The following TOR3A variants were observed in gnomAD, a reference collection of about 807,000 sequenced individuals.
The protein encoded by TOR3A is torsin-3A.
Under a neutral mutation model 42.1 loss-of-function variants are expected in TOR3A, and 44 were observed. The ratio of observed to expected loss-of-function variants is 1.04; its 90% CI spans 0.82 to 1.34. The LOEUF is 1.34. TOR3A is among the 40% of genes most tolerant of loss of function. The pLI, the probability that TOR3A is intolerant of heterozygous loss-of-function variation, is 0.00. For missense variants in TOR3A, 521 were observed against 507.6 expected (o/e 1.03, Z -0.25); for synonymous variants, 227 against 213.2 (o/e 1.06, Z -0.57).
At chr1:179,084,859 G>A (rs1006273897) in intron 2 of TOR3A, among the ~76,000 whole-genome samples, 8 of 152,186 alleles carry the variant, frequency 5.3e-5, no homozygotes, top group East Asian at 1.9e-4. Context: ...ACAACCTCAC[G>A]TCTGACAGGA....
At chr1:179,082,467 G>A (rs1652316385) in intron 1 of TOR3A, 80 bp downstream of exon 1, 1 of 1,491,690 alleles carries the variant, frequency 6.7e-7, no homozygotes, top group Non-Finnish European at 8.9e-7. Flanking sequence ...CCTCGCTCCT[G>A]TCCGGGGCGA....
In TOR3A at chr1:179,083,076, G is replaced by A. The variant is rs1652338644; in HGVS notation, c.373+23G>A. The A allele has an allele frequency of 4.9e-6, 7 of 1,426,438 alleles. 1 individual carries two copies. In the South Asian group the frequency reaches 8.6e-5, roughly 17 times the overall value. 88.4% of individuals were successfully genotyped at this position (1,426,438 alleles called of 1,614,324 possible). A position where few individuals can be genotyped will look rare whatever the true frequency, so the allele number is the denominator to read the frequency against. ...CAGGTTGGACCCCGCATGGCTTCAAGGGGCTAGGGATCTGTGGGGAGGGGA... is the reference window on the plus strand; with the variant it reads ...CAGGTTGGACCCCGCATGGCTTCAAAGGGCTAGGGATCTGTGGGGAGGGGA... On this transcript the variant is annotated intron_variant, in intron 2 of 5. Coordinates refer to ENST00000367627, the MANE Select transcript of TOR3A (RefSeq NM_022371.4).
chr1:179,093,814 C>T (rs1406584075), intron 4 of TOR3A, among the ~76,000 whole-genome samples: 1 of 152,164 alleles, frequency 6.6e-6, no homozygotes, highest in Non-Finnish European at 1.5e-5. Context: ...ACAGAAGAAC[C>T]ATATCTTACC....
chr1:179,084,127 T>G (rs569169541), intron 2 of TOR3A, among the ~76,000 whole-genome samples: 1 of 152,228 alleles, frequency 6.6e-6, no homozygotes, highest in Admixed American at 6.5e-5. Context: ...GATATCCAAA[T>G]TGTTCTGGCC....
Position 179,095,341 on chromosome 1 carries a change from A to AACAAACAC in TOR3A, c.*128_*135dup. 1.3e-6 allele frequency: 2 copies of AACAAACAC among 1,528,828 alleles called. No individual in the cohort carries two copies. Among genetic ancestry groups the AACAAACAC allele is most frequent in the Non-Finnish European group, 8.7e-7 (1 of 1,145,428 alleles). The allele number at this position is 1,528,828 out of a possible 1,614,324, so 94.7% of individuals were successfully genotyped here. A position where few individuals can be genotyped will look rare whatever the true frequency, so the allele number is the denominator to read the frequency against. Reference sequence around the variant, plus strand: ...TGTGGACTGGCATCCAGCAGCCACTAACAAACACACAACTGGTGTGTAAAA... The same window carrying AACAAACAC: ...TGTGGACTGGCATCCAGCAGCCACTAACAAACACACAAACACACAACTGGTGTGTAAAA... On this transcript the variant is annotated 3_prime_UTR_variant, in exon 6 of 6. Transcript: ENST00000367627.
intron 4 of TOR3A, among the ~76,000 whole-genome samples, chr1:179,091,466 G>A (rs1343568887): frequency 6.6e-6 from 1 of 152,198 alleles, no homozygotes; most frequent in African/African-American, 2.4e-5. Flanking sequence ...CCTCTAAAGT[G>A]GTGGAAGAAA....
chr1:179,082,604 G>T, intron 1 of TOR3A: 1 of 743,290 alleles, frequency 1.3e-6, no homozygotes, highest in South Asian at 1.6e-5. Flanking sequence ...CCCCCCTGGC[G>T]CCCGGCTTCC....
At position 179,082,339 on chromosome 1, in the gene TOR3A, T is replaced by C. The variant is rs762172149; in HGVS notation, c.211T>C (p.Trp71Arg). Residue 71 changes from tryptophan (W) to arginine (R), a missense_variant, in exon 1 of 6, where the codon TGG (tryptophan) becomes CGG (arginine). By Grantham distance (101) the Trp-to-Arg change is moderately radical. Coordinates refer to ENST00000367627, the MANE Select transcript of TOR3A (RefSeq NM_022371.4). Reference sequence around the variant, plus strand: ...CTGGACGCTCTTCAGCTGCCAGGTGTGGCCCGACGACTGTGACGAGGACGA... The same window carrying C: ...CTGGACGCTCTTCAGCTGCCAGGTGCGGCCCGACGACTGTGACGAGGACGA... The part of the protein sequence containing the change: ...RYWTLFSCQV[W>R]PDDCDEDEEA... 1.2e-6 allele frequency: 2 copies of C among 1,605,744 alleles called. No individual in the cohort carries two copies. The highest frequency in any genetic ancestry group is 4.6e-5 in the East Asian group (2 of 43,932).
chr1:179,082,298 C>T lies in TOR3A; in HGVS notation c.170C>T (p.Ala57Val), dbSNP rs575309780. Residue 57 changes from alanine to valine, a missense_variant, in exon 1 of 6, where the codon GCC (alanine) becomes GTC (valine). Coordinates refer to ENST00000367627, the MANE Select transcript of TOR3A (RefSeq NM_022371.4). ...CAGGAGCAGCTCAGGGCGGCGGGTG[C>T]CCTCTCCAAGCGGTACTGGACGCTC... ...RLQEQLRAAG[A>V]LSKRYWTLFS... 2.5e-6 allele frequency: 4 copies of T among 1,587,088 alleles called. No individual in the cohort carries two copies. Among genetic ancestry groups the T allele is most frequent in the Admixed American group, 1.7e-5 (1 of 57,276 alleles).
At chr1:179,093,683 T>TCTTTATTTG (rs1333308639) in intron 4 of TOR3A, among the ~76,000 whole-genome samples, 1 of 152,176 alleles carries the variant, frequency 6.6e-6, no homozygotes, top group Non-Finnish European at 1.5e-5. Context: ...CACTACTTGG[T>TCTTTATTTG]CTTTATTTGC....
chr1:179,086,519 A>G (rs189385643), intron 3 of TOR3A, among the ~76,000 whole-genome samples: 77 of 152,216 alleles, frequency 5.1e-4, no homozygotes, highest in Admixed American at 8.5e-4. Flanking sequence ...ACAAAAACTT[A>G]GCTGGGCGTG....
intron 3 of TOR3A, among the ~76,000 whole-genome samples, chr1:179,087,475 T>C (rs1316442261): frequency 3.9e-5 from 6 of 152,224 alleles, no homozygotes; most frequent in African/African-American, 1.4e-4. Context: ...GAATAGACCC[T>C]GAGCTTAAAC....
At chr1:179,083,539 CCTG>C (rs1226595825) in intron 2 of TOR3A, among the ~76,000 whole-genome samples, 5 of 145,314 alleles carry the variant, frequency 3.4e-5, no homozygotes, top group Non-Finnish European at 6.0e-5. Context: ...ATTACAGGTG[CCTG>C]CCACCACGTC....
In TOR3A at chr1:179,085,810, C is replaced by G. The variant is rs780726010; in HGVS notation, c.556C>G (p.Arg186Gly). ...VARMLVENLY[R>G]DGLMSDCVRM... ...ACGGATGCTGGTGGAGAACCTGTAT[C>G]GGGACGGGCTGATGAGTGACTGTGT... Residue 186 changes from arginine (R) to glycine (G), a missense_variant, in exon 3 of 6, where the codon CGG becomes GGG. Coordinates refer to ENST00000367627, the MANE Select transcript of TOR3A (RefSeq NM_022371.4). 12 of 1,614,178 alleles carry G rather than the reference C, an allele frequency of 7.4e-6. No individual in the cohort carries two copies. The highest frequency in any genetic ancestry group is 1.0e-5 in the Non-Finnish European group (12 of 1,180,034).
At chr1:179,094,273 G>A (rs1265254301) in intron 5 of TOR3A, 56 bp downstream of exon 5, 49 of 1,570,190 alleles carry the variant, frequency 3.1e-5, no homozygotes, top group Non-Finnish European at 4.1e-5. Context: ...GATAATTAAT[G>A]TGTTTGTTGG....
chr1:179,092,740 C>CTGAGGCAGGAGAATCTCT (rs2102546457), intron 4 of TOR3A, among the ~76,000 whole-genome samples: 1 of 152,172 alleles, frequency 6.6e-6, no homozygotes, highest in African/African-American at 2.4e-5. Flanking sequence ...ACTTGGGAGG[C>CTGAGGCAGGAGAATCTCT]TGAGGCAGGA....
rs187396360 is a variant in TOR3A, at chr1:179,085,316, C to T, written c.374-312C>T. 1,129 of 282,174 alleles carry T rather than the reference C, an allele frequency of 4.0e-3. 10 individuals are homozygous for T. Among genetic ancestry groups the T allele is most frequent in the African/African-American group, 0.023 (1,064 of 46,398 alleles). The allele number at this position is 282,174 out of a possible 1,614,324, so 17.5% of individuals were successfully genotyped here. ...GTGGGCACCTGTAATCCCAGCCACT[C>T]GGGAGGCTGAGGCAGGAGAATCGCT... On this transcript the variant is annotated intron_variant, in intron 2 of 5. Coordinates refer to ENST00000367627, the MANE Select transcript of TOR3A (RefSeq NM_022371.4).
rs778535831 is a variant in TOR3A at position 179,094,227 on chromosome 1, T to G, written c.943+10T>G. 19 of 1,609,654 alleles carry G rather than the reference T, an allele frequency of 1.2e-5. No individual in the cohort carries two copies. The Admixed American group carries it at 3.2e-4, about 27-fold the overall frequency. On this transcript the variant is annotated intron_variant, in intron 5 of 5. Transcript: ENST00000367627. The stretch of plus-strand genomic sequence containing the variant: ...ATTGTGGAGACCATAGGTGAGTAAC[T>G]GACTCAATATGCCTCTGGTGAGAGC...
At chr1:179,085,434 A>AG (rs1652402526) in intron 2 of TOR3A, 194 bp from the exon 3 acceptor site, 2 of 691,310 alleles carry the variant, frequency 2.9e-6, no homozygotes, top group Non-Finnish European at 2.5e-6. Flanking sequence ...AAAAAAAAAA[A>AG]AAAAAGAAAG....
Sources: allele counts gnomAD v4.1 joint callset (sites outside exome capture counted in the v4.1 genomes callset), GRCh38; gene constraint gnomAD v4.1.1; transcripts MANE v1.5; gene names NCBI Gene and HGNC (gene_info 2026-07-23, HGNC 2026-07-21).